Variants in DENND6B observed in about 807,000 individuals in gnomAD.
The protein encoded by DENND6B is protein DENND6B.
A neutral mutation model predicts 85.1 loss-of-function variants in DENND6B; 73 were observed. That is an observed-to-expected ratio of 0.86 (90% CI 0.71 to 1.04). The LOEUF is 1.04. Among genes scored for constraint, DENND6B ranks in the 50% least tolerant of loss-of-function variants. The probability of loss-of-function intolerance (pLI) is 0.00; values close to 1 mark genes in which losing one functional copy is unlikely to be tolerated. For missense variants in DENND6B, 715 were observed against 785.8 expected (o/e 0.91, Z 1.08); for synonymous variants, 357 against 329.3 (o/e 1.08, Z -0.91).
chr22:50,315,451 G>A (rs1384642556), intron 9 of DENND6B, among the ~76,000 whole-genome samples: 1 of 152,200 alleles, frequency 6.6e-6, no homozygotes, highest in Non-Finnish European at 1.5e-5. Flanking sequence ...ACTGGCTGCA[G>A]ACATGTGGGC....
chr22:50,321,188 G>A (rs2042031489), intron 1 of DENND6B, among the ~76,000 whole-genome samples: 1 of 152,058 alleles, frequency 6.6e-6, no homozygotes, highest in African/African-American at 2.4e-5. Context: ...GTATGGCCGG[G>A]CCACCCTGGG....
In DENND6B at chr22:50,316,240, G is replaced by C; in HGVS notation, c.573C>G (p.Ile191Met). The change falls in exon 7 of 20, where the codon ATC becomes ATG. Residue 191 changes from isoleucine to methionine, a missense_variant. Coordinates refer to ENST00000413817, the MANE Select transcript of DENND6B (RefSeq NM_001001794.4). ...APCLEAVCSE[I>M]DQWPAPAPGQ... ...CAGGTGCAGGCGCCGGCCACTGGTC[G>C]ATCTCACTGCACACTGCGGATGCAG... 1.2e-6 allele frequency: 2 copies of C among 1,606,478 alleles called. No individual in the cohort carries two copies. Among genetic ancestry groups the C allele is most frequent in the African/African-American group, 1.3e-5 (1 of 74,934 alleles).
At position 50,312,018 on chromosome 22, in the gene DENND6B, C is replaced by G. The variant is rs2068067620; in HGVS notation, c.*121G>C. 15 of 1,449,646 alleles carry G rather than the reference C, an allele frequency of 1.0e-5. No homozygotes were observed. The South Asian group carries it at 1.3e-4, about 12-fold the overall frequency. 89.8% of individuals were successfully genotyped at this position (1,449,646 alleles called of 1,614,324 possible). On this transcript the variant is annotated 3_prime_UTR_variant, in exon 20 of 20. Coordinates refer to ENST00000413817, the MANE Select transcript of DENND6B (RefSeq NM_001001794.4). ...GACAATGGTGGTGCAGGAAGGGGAG[C>G]CTGCAGTCTGGGCGGGGGGCCAAGG...
chr22:50,320,132 G>C (rs2041997407), intron 1 of DENND6B, among the ~76,000 whole-genome samples: 1 of 152,224 alleles, frequency 6.6e-6, no homozygotes, highest in South Asian at 2.1e-4. Context: ...CTTCTCCACT[G>C]AGTTGGGTTT....
chr22:50,312,298 C>G, intron 19 of DENND6B, 37 bp from the exon 20 acceptor site: 4 of 1,611,186 alleles, frequency 2.5e-6, no homozygotes, highest in Non-Finnish European at 3.4e-6. Flanking sequence ...GGCGCAGCTC[C>G]GTGCCAGGCT....
Position 50,315,725 on chromosome 22 carries a change from C to T in DENND6B, c.747G>A (p.Leu249=), listed in dbSNP as rs539075300. Residue 249 remains leucine, a synonymous_variant, in exon 9 of 20, where the codon CTG becomes CTA. Coordinates refer to ENST00000413817, the MANE Select transcript of DENND6B (RefSeq NM_001001794.4). ...APVVLASVHE[L]DLFRCFRPVL... ...CCTAGGGGGCTCACCTGAACAGGTC[C>T]AGCTCGTGGACGCTAGCAAGAACCA... 1.2e-5 allele frequency: 18 copies of T among 1,562,366 alleles called. No homozygotes were observed. The South Asian group carries it at 2.0e-4, about 18-fold the overall frequency.
At position 50,317,977 on chromosome 22, in the gene DENND6B, A is replaced by G; in HGVS notation, c.303T>C (p.Cys101=). The change falls in exon 4 of 20, where the codon TGT becomes TGC. Residue 101 remains cysteine (C), a synonymous_variant. Coordinates refer to ENST00000413817, the MANE Select transcript of DENND6B (RefSeq NM_001001794.4). ...DTQFSFRMRQ[C]GGQRSPWHAD... The stretch of plus-strand genomic sequence containing the variant: ...CATGCCAGGGGCTCCTCTGCCCTCC[A>G]CACTGGCGCATGCGGAAGCTGAACT... 5 of 1,612,518 alleles carry G rather than the reference A, an allele frequency of 3.1e-6. No homozygotes were observed. Among genetic ancestry groups the G allele is most frequent in the Non-Finnish European group, 4.2e-6 (5 of 1,179,684 alleles).
At chr22:50,319,427 C>T in intron 1 of DENND6B, 2 of 985,426 alleles carry the variant, frequency 2.0e-6, no homozygotes, top group Non-Finnish European at 2.4e-6. Context: ...TCCTCACAGC[C>T]ACCCAACCAC....
chr22:50,319,830 G>A (rs1232990947), intron 1 of DENND6B, among the ~76,000 whole-genome samples: 3 of 152,220 alleles, frequency 2.0e-5, no homozygotes, highest in African/African-American at 7.2e-5. Flanking sequence ...TGCCCCACCT[G>A]TAGCGCCCAG....
chr22:50,318,094 G>C (rs1291624683), intron 3 of DENND6B, 74 bp from the exon 4 acceptor site: 2 of 1,496,878 alleles, frequency 1.3e-6, no homozygotes, highest in South Asian at 2.3e-5. Flanking sequence ...TGGTGACCGG[G>C]GAGCAAGGGC....
rs2068068513 is a variant in DENND6B, at chr22:50,312,067, G to T, written c.*72C>A. 5.1e-6 allele frequency: 8 copies of T among 1,568,344 alleles called. No homozygotes were observed. The highest frequency in any genetic ancestry group is 6.9e-6 in the Non-Finnish European group (8 of 1,157,070). ...GGAAGGGGAGCGTGTGCTTGGCCCA[G>T]TGCCGCCACCACTGGGGAGTGGGAG... On this transcript the variant is annotated 3_prime_UTR_variant, in exon 20 of 20. Coordinates refer to ENST00000413817, the MANE Select transcript of DENND6B (RefSeq NM_001001794.4).
intron 19 of DENND6B, 31 bp downstream of exon 19, chr22:50,312,312 G>T (rs1360811687): frequency 1.2e-6 from 2 of 1,611,106 alleles, no homozygotes; most frequent in East Asian, 4.5e-5. Flanking sequence ...CCAGGCTGGT[G>T]GCGCTGGGAC....
At chr22:50,319,200 G>A in intron 1 of DENND6B, 197 bp from the exon 2 acceptor site, 3 of 1,496,076 alleles carry the variant, frequency 2.0e-6, no homozygotes, top group Non-Finnish European at 2.7e-6. Context: ...CATATTCTCT[G>A]TGTTCCAACA....
Position 50,326,976 on chromosome 22 carries a change from A to G in DENND6B, c.13T>C (p.Leu5=). 8.3e-7 allele frequency: 1 copy of G among 1,206,466 alleles called. No individual in the cohort carries two copies. The highest frequency in any genetic ancestry group is 1.0e-6 in the Non-Finnish European group (1 of 973,482). The allele number at this position is 1,206,466 out of a possible 1,614,324, so 74.7% of individuals were successfully genotyped here. The change falls in exon 1 of 20, where the codon TTG becomes CTG. Residue 5 remains leucine, a synonymous_variant. Transcript: ENST00000413817. MDAL[L]GTGPRRARGC... is the part of the protein sequence containing the mutation. ...CGAGCCCGGCGAGGCCCTGTGCCCA[A>G]CAGCGCGTCCATGGCGGCGGCCGCG...
At chr22:50,325,587 G>A (rs868356886) in intron 1 of DENND6B, among the ~76,000 whole-genome samples, 27 of 152,016 alleles carry the variant, frequency 1.8e-4, no homozygotes, top group Non-Finnish European at 2.5e-4. Flanking sequence ...TGCCTGCCTC[G>A]GCCTCTCAAA....
intron 1 of DENND6B, among the ~76,000 whole-genome samples, chr22:50,323,549 G>C (rs2147792377): frequency 6.6e-6 from 1 of 151,462 alleles, no homozygotes; most frequent in Middle Eastern, 3.4e-3. Context: ...GCCTCCCAAA[G>C]TGCTAAGATT....
In DENND6B at chr22:50,312,183, C is replaced by T. The variant is rs371312738; in HGVS notation, c.1714G>A (p.Gly572Ser). 8.1e-6 allele frequency: 13 copies of T among 1,612,386 alleles called. No individual in the cohort carries two copies. In the East Asian group the frequency reaches 8.9e-5, roughly 11 times the overall value. ...RAQLYIETVIGSLPKDLQAVL... is the reference protein window; with the variant it reads ...RAQLYIETVISSLPKDLQAVL... ...GCCTGCAGGTCTTTGGGCAGGGAGC[C>T]GATGACCGTCTCGATGTACAGCTGT... Residue 572 changes from glycine (G) to serine (S), a missense_variant, in exon 20 of 20, where the codon GGC becomes AGC. By Grantham distance (56) the Gly-to-Ser change is moderately conservative (BLOSUM62 0). Coordinates refer to ENST00000413817, the MANE Select transcript of DENND6B (RefSeq NM_001001794.4).
intron 3 of DENND6B, 98 bp downstream of exon 3, chr22:50,318,749 C>T (rs1267679955): frequency 6.5e-7 from 1 of 1,537,670 alleles, no homozygotes; most frequent in Non-Finnish European, 8.8e-7. Flanking sequence ...GCACTCTGGG[C>T]ACCGGGGCAG....
Position 50,314,803 on chromosome 22 carries a change from T to G in DENND6B, c.877A>C (p.Thr293Pro). 6.2e-7 allele frequency: 1 copy of G among 1,605,872 alleles called. No homozygotes were observed. Among genetic ancestry groups the G allele is most frequent in the South Asian group, 1.1e-5 (1 of 89,652 alleles). ...GGGACCGGGCCAAGGCGATACCTGG[T>G]CAAGGCCAGCACCATCTCCGAGGAC... ...DVSSEMVLAL[T>P]SCLQPLRFCC... Residue 293 changes from threonine to proline, a missense_variant, in exon 10 of 20, where the codon ACC (threonine) becomes CCC (proline). Thr to Pro is a conservative substitution (Grantham distance 38, BLOSUM62 -1). Coordinates refer to ENST00000413817, the MANE Select transcript of DENND6B (RefSeq NM_001001794.4).
Sources: gnomAD v4.1 joint callset for allele counts (sites outside exome capture counted in the v4.1 genomes callset) on GRCh38, gnomAD v4.1.1 for gene constraint, MANE v1.5 for transcripts, NCBI Gene and HGNC (gene_info 2026-07-23, HGNC 2026-07-21) for gene names.